CCDC62: variants seen among roughly 807,000 people sequenced by gnomAD.
The protein encoded by CCDC62 is coiled-coil domain containing 62.
A neutral mutation model predicts 80.8 loss-of-function variants in CCDC62; 72 were observed. The observed-to-expected ratio is 0.89, with a 90% CI of 0.74 to 1.08. The LOEUF (loss-of-function observed/expected upper bound fraction) is 1.08. CCDC62 is among the 50% of genes least tolerant of loss of function. The pLI, the probability that CCDC62 is intolerant of heterozygous loss-of-function variation, is 0.00. For synonymous variants in CCDC62, 286 were observed against 296.5 expected, an observed-to-expected ratio of 0.96 and a Z score of 0.36; for missense variants, 704 against 809.4, an observed-to-expected ratio of 0.87 and a Z score of 1.58.
intron 12 of CCDC62, 124 bp downstream of exon 12, chr12:122,823,583 C>A: frequency 3.5e-6 from 2 of 566,562 alleles, no homozygotes; most frequent in African/African-American, 1.9e-5. Flanking sequence ...CTCTTTTGCT[C>A]GACCAATTTA....
chr12:122,814,288 AAAAAAAAAAAAAAG>A (rs948389041), intron 11 of CCDC62, among the ~76,000 whole-genome samples: 7 of 37,988 alleles, frequency 1.8e-4, no homozygotes, highest in African/African-American at 3.2e-4. Context: ...TCAAAAAAAA[AAAAAAAAAAAAAAG>A]AGAGAGAGAA....
intron 2 of CCDC62, among the ~76,000 whole-genome samples, chr12:122,780,277 C>T (rs565776146): frequency 6.7e-6 from 1 of 148,926 alleles, no homozygotes; most frequent in South Asian, 2.1e-4. Context: ...TGCCGTTGCC[C>T]TCCAGCCTGG....
chr12:122,811,612 G>C (rs1288192308), intron 10 of CCDC62, among the ~76,000 whole-genome samples: 3 of 150,846 alleles, frequency 2.0e-5, no homozygotes, highest in African/African-American at 7.3e-5. Flanking sequence ...CTAAGGTCAG[G>C]AGATCGAGAC....
intron 4 of CCDC62, among the ~76,000 whole-genome samples, chr12:122,786,289 A>G (rs1593787419): frequency 6.7e-6 from 1 of 148,220 alleles, no homozygotes; most frequent in Non-Finnish European, 1.5e-5. Context: ...CTGGGACTAC[A>G]GGCGCCCGCC....
At chr12:122,781,057 C>G (rs1251411991) in intron 2 of CCDC62, 107 bp from the exon 3 acceptor site, 2 of 805,272 alleles carry the variant, frequency 2.5e-6, no homozygotes, top group Non-Finnish European at 3.9e-6. Context: ...AGAAGATTGT[C>G]TTTTTAAAAA....
chr12:122,792,189 CT>C (rs2030662584), intron 6 of CCDC62, 68 bp downstream of exon 6: 3 of 928,456 alleles, frequency 3.2e-6, no homozygotes, highest in Non-Finnish European at 5.1e-6. Context: ...GGAATTATAC[CT>C]CTCCCAAAAT....
chr12:122,779,650 G>A (rs1484790144), intron 2 of CCDC62, among the ~76,000 whole-genome samples: 4 of 152,316 alleles, frequency 2.6e-5, no homozygotes, highest in Middle Eastern at 3.4e-3. Flanking sequence ...GCTCACATCT[G>A]TAATCCTAGC....
chr12:122,811,145 T>C (rs2031854652), intron 10 of CCDC62, among the ~76,000 whole-genome samples: 1 of 151,794 alleles, frequency 6.6e-6, no homozygotes, highest in South Asian at 2.1e-4. Flanking sequence ...GTTATGCACA[T>C]GTACCCTAGA....
intron 11 of CCDC62, among the ~76,000 whole-genome samples, chr12:122,813,987 T>C (rs1003020784): frequency 2.0e-5 from 3 of 151,604 alleles, no homozygotes; most frequent in South Asian, 2.1e-4. Context: ...AATTTTATTA[T>C]AGAAAGTTTC....
intron 10 of CCDC62, among the ~76,000 whole-genome samples, chr12:122,810,571 G>C (rs1365926298): frequency 1.2e-5 from 1 of 85,380 alleles, no homozygotes; most frequent in Non-Finnish European, 2.8e-5. Context: ...CACTGTTGGT[G>C]GGACTGTAAA....
intron 8 of CCDC62, among the ~76,000 whole-genome samples, chr12:122,798,983 G>A (rs773038286): frequency 3.2e-4 from 49 of 152,070 alleles, no homozygotes; most frequent in Non-Finnish European, 5.9e-4. Flanking sequence ...GGCAGGCTGA[G>A]GCAGGAGGAT....
chr12:122,821,876 C>G (rs929983364), intron 11 of CCDC62, among the ~76,000 whole-genome samples: 1 of 152,026 alleles, frequency 6.6e-6, no homozygotes, highest in African/African-American at 2.4e-5. Context: ...ACATACTTAT[C>G]ATGTCTTTGT....
intron 2 of CCDC62, among the ~76,000 whole-genome samples, chr12:122,779,487 T>C (rs1593777531): frequency 6.6e-6 from 1 of 152,036 alleles, no homozygotes; most frequent in Non-Finnish European, 1.5e-5. Flanking sequence ...TCTGATACAA[T>C]AGGTCTGGGG....
At chr12:122,810,927 A>G (rs2031842072) in intron 10 of CCDC62, among the ~76,000 whole-genome samples, 1 of 150,546 alleles carries the variant, frequency 6.6e-6, no homozygotes, top group Admixed American at 6.7e-5. Flanking sequence ...AGGACAAAAA[A>G]CCAAACACTG....
chr12:122,823,456 A>T lies in CCDC62; in HGVS notation c.*37A>T. The T allele has an allele frequency of 2.1e-6, 3 of 1,456,324 alleles. No homozygotes were observed. Among genetic ancestry groups the T allele is most frequent in the Non-Finnish European group, 2.9e-6 (3 of 1,037,432 alleles). The allele number at this position is 1,456,324 out of a possible 1,614,324, so 90.2% of individuals were successfully genotyped here. A position where few individuals can be genotyped will look rare whatever the true frequency, so the allele number is the denominator to read the frequency against. Reference sequence around the variant, plus strand: ...GGCAACTTCAGTATTCATCGTGATCACGAGTAAGTCACCTTTGCTTATCTC... The same window carrying T: ...GGCAACTTCAGTATTCATCGTGATCTCGAGTAAGTCACCTTTGCTTATCTC... On this transcript the variant is annotated 3_prime_UTR_variant, in exon 12 of 13. Transcript: ENST00000253079.
At chr12:122,787,624 G>A (rs1284644883) in intron 4 of CCDC62, among the ~76,000 whole-genome samples, 3 of 152,028 alleles carry the variant, frequency 2.0e-5, no homozygotes, top group East Asian at 1.9e-4. Context: ...GATGGCACAC[G>A]CCTGTAGTCC....
chr12:122,808,051 C>G (rs2135571665), intron 10 of CCDC62, among the ~76,000 whole-genome samples: 1 of 152,218 alleles, frequency 6.6e-6, no homozygotes, highest in South Asian at 2.1e-4. Flanking sequence ...AATCCCAACA[C>G]TTTGGGAGGC....
chr12:122,811,273 A>C (rs1593823687), intron 10 of CCDC62, among the ~76,000 whole-genome samples: 2 of 132,036 alleles, frequency 1.5e-5, no homozygotes, highest in Middle Eastern at 4.5e-3. Flanking sequence ...GTGCAATGGC[A>C]CGATCTCGGC....
chr12:122,822,121 T>G (rs1300866420), intron 11 of CCDC62, among the ~76,000 whole-genome samples: 7 of 91,932 alleles, frequency 7.6e-5, no homozygotes, highest in Non-Finnish European at 1.3e-4. Context: ...TTTTTTTTTT[T>G]GAGACAGAAT....
Sources: gnomAD v4.1 joint callset for allele counts (sites outside exome capture counted in the v4.1 genomes callset) on GRCh38, gnomAD v4.1.1 for gene constraint, MANE v1.5 for transcripts, NCBI Gene and HGNC (gene_info 2026-07-23, HGNC 2026-07-21) for gene names.